Variants in ATF7IP observed in about 807,000 individuals in gnomAD.
The protein encoded by ATF7IP is activating transcription factor 7 interacting protein.
ATF7IP carries 23 observed loss-of-function variants against 106.4 expected under a neutral mutation model. The observed-to-expected ratio is 0.22, with a 90% CI of 0.16 to 0.31. ATF7IP has a LOEUF of 0.31. ATF7IP is among the 10% of genes least tolerant of loss of function. The pLI, the probability that ATF7IP is intolerant of heterozygous loss-of-function variation, is 1.00. For missense variants in ATF7IP, 1,334 were observed against 1,524.3 expected (o/e 0.88, Z 2.08); for synonymous variants, 542 against 539.0 (o/e 1.01, Z -0.08).
chr12:14,455,335 A>C (rs1943383039), intron 6 of ATF7IP, among the ~76,000 whole-genome samples: 2 of 152,108 alleles, frequency 1.3e-5, no homozygotes, highest in South Asian at 4.1e-4. Context: ...TGACAGCCAG[A>C]TTTTAAGCAC....
chr12:14,369,483 C>T (rs1038444119), intron 1 of ATF7IP, among the ~76,000 whole-genome samples: 19 of 152,020 alleles, frequency 1.2e-4, no homozygotes, highest in Non-Finnish European at 1.8e-4. Flanking sequence ...TCCCAAGTAG[C>T]GGATTACAGG....
intron 1 of ATF7IP, among the ~76,000 whole-genome samples, chr12:14,372,830 A>T (rs1938584751): frequency 6.6e-6 from 1 of 152,134 alleles, no homozygotes; most frequent in Non-Finnish European, 1.5e-5. Flanking sequence ...TTTGATACCT[A>T]GAAATTATGT....
intron 13 of ATF7IP, among the ~76,000 whole-genome samples, chr12:14,483,447 G>C (rs191715689): frequency 6.6e-6 from 1 of 152,164 alleles, no homozygotes; most frequent in South Asian, 2.1e-4. Context: ...GGTAAGAGGA[G>C]CCCAAAGTGT....
chr12:14,396,663 T>C (rs758602661), intron 1 of ATF7IP, among the ~76,000 whole-genome samples: 2 of 152,134 alleles, frequency 1.3e-5, no homozygotes, highest in Non-Finnish European at 2.9e-5. Context: ...TCTCTTGTGC[T>C]ATTATATTGG....
At chr12:14,393,196 G>A (rs926366959) in intron 1 of ATF7IP, among the ~76,000 whole-genome samples, 1 of 152,156 alleles carries the variant, frequency 6.6e-6, no homozygotes, top group Non-Finnish European at 1.5e-5. Context: ...ATGGTTGGAT[G>A]CATGATACAG....
intron 1 of ATF7IP, among the ~76,000 whole-genome samples, chr12:14,372,002 A>G (rs1938550815): frequency 6.6e-6 from 1 of 152,118 alleles, no homozygotes; most frequent in Admixed American, 6.5e-5. Context: ...ATTTAAACAG[A>G]TTACCTTAAT....
chr12:14,488,863 A>G (rs1045740579), intron 13 of ATF7IP, among the ~76,000 whole-genome samples: 2 of 152,268 alleles, frequency 1.3e-5, no homozygotes, highest in Non-Finnish European at 2.9e-5. Context: ...ATGTCACATG[A>G]TGAAGGAAAA....
chr12:14,419,616 C>T (rs1186639483), intron 1 of ATF7IP, among the ~76,000 whole-genome samples: 2 of 151,906 alleles, frequency 1.3e-5, no homozygotes, highest in African/African-American at 4.8e-5. Context: ...AAATACAATG[C>T]ATTGTATCTG....
At chr12:14,457,942 A>G (rs1943492329) in intron 8 of ATF7IP, among the ~76,000 whole-genome samples, 1 of 151,868 alleles carries the variant, frequency 6.6e-6, no homozygotes. Flanking sequence ...CAAAATACAA[A>G]AATTATCCAG....
intron 5 of ATF7IP, among the ~76,000 whole-genome samples, chr12:14,443,580 A>G (rs1170988681): frequency 6.6e-6 from 1 of 152,212 alleles, no homozygotes; most frequent in African/African-American, 2.4e-5. Flanking sequence ...AAATACCTTG[A>G]ATCTCTTAAA....
intron 1 of ATF7IP, among the ~76,000 whole-genome samples, chr12:14,377,183 C>T (rs577899297): frequency 6.6e-5 from 10 of 151,756 alleles, no homozygotes; most frequent in Admixed American, 5.3e-4. Flanking sequence ...TTAGTAGAGA[C>T]GGGGTTTCAC....
chr12:14,459,771 C>CTGTT (rs1412954816), intron 8 of ATF7IP, among the ~76,000 whole-genome samples: 1 of 152,162 alleles, frequency 6.6e-6, no homozygotes, highest in African/African-American at 2.4e-5. Flanking sequence ...TATTTTAAAC[C>CTGTT]TGTTGCAATG....
intron 2 of ATF7IP, among the ~76,000 whole-genome samples, chr12:14,432,144 A>G (rs1007480450): frequency 1.3e-5 from 2 of 152,138 alleles, no homozygotes; most frequent in African/African-American, 4.8e-5. Flanking sequence ...ATAGCAGGCC[A>G]GTTTATTCTG....
intron 4 of ATF7IP, 126 bp from the exon 5 acceptor site, chr12:14,438,004 G>A (rs1193207028): frequency 3.7e-6 from 3 of 812,812 alleles, no homozygotes; most frequent in Admixed American, 5.9e-5. Flanking sequence ...AGTGAGCCGA[G>A]ATCCTGCCAC....
In ATF7IP at chr12:14,497,694, C is replaced by A; in HGVS notation, c.3434C>A (p.Ala1145Asp). 1 of 1,614,190 alleles carries A rather than the reference C, an allele frequency of 6.2e-7. No homozygotes were observed. Among genetic ancestry groups the A allele is most frequent in the Non-Finnish European group, 8.5e-7 (1 of 1,180,028 alleles). ...RPVHPAPLPEAPQPQRLPPEA... is the reference protein window; with the variant it reads ...RPVHPAPLPEDPQPQRLPPEA... ...GTGCACCCAGCACCCTTACCAGAAGCTCCACAACCACAGCGTCTGCCCCCA... is the reference window on the plus strand; with the variant it reads ...GTGCACCCAGCACCCTTACCAGAAGATCCACAACCACAGCGTCTGCCCCCA... Residue 1145 changes from alanine to aspartate, a missense_variant, in exon 15 of 15, where the codon GCT becomes GAT. Around this residue, in one of 10 missense-constraint regions of ATF7IP, gnomAD observed 80 missense variants for 157.0 expected, o/e 0.51. Coordinates refer to ENST00000261168, the MANE Select transcript of ATF7IP (RefSeq NM_018179.5).
At chr12:14,496,656 C>T (rs1214967562) in intron 14 of ATF7IP, among the ~76,000 whole-genome samples, 1 of 152,080 alleles carries the variant, frequency 6.6e-6, no homozygotes, top group Non-Finnish European at 1.5e-5. Context: ...TTTCATTTCT[C>T]CATGTGTTAA....
At chr12:14,433,011 A>T (rs1355047608) in intron 2 of ATF7IP, among the ~76,000 whole-genome samples, 1 of 152,208 alleles carries the variant, frequency 6.6e-6, no homozygotes, top group African/African-American at 2.4e-5. Context: ...AATTGTATAG[A>T]CATTTTTAGC....
chr12:14,366,791 A>G (rs1023109217), intron 1 of ATF7IP, among the ~76,000 whole-genome samples: 8 of 152,186 alleles, frequency 5.3e-5, no homozygotes, highest in African/African-American at 1.9e-4. Flanking sequence ...TAGAAAGAAC[A>G]TCCATTACCC....
chr12:14,478,479 T>C lies in ATF7IP; in HGVS notation c.3097+7T>C. ...ATACACTTACTACCTACAGGTAAATTTGTTGAATCATTGAGTAGAAGCTTT... is the reference window on the plus strand; with the variant it reads ...ATACACTTACTACCTACAGGTAAATCTGTTGAATCATTGAGTAGAAGCTTT... On this transcript the variant is annotated splice_region_variant and intron_variant, in intron 12 of 14. Transcript: ENST00000261168. The C allele has an allele frequency of 6.2e-7, 1 of 1,613,718 alleles. No homozygotes were observed. Among genetic ancestry groups the C allele is most frequent in the South Asian group, 1.1e-5 (1 of 91,044 alleles).
Sources: allele counts gnomAD v4.1 joint callset (sites outside exome capture counted in the v4.1 genomes callset), GRCh38; gene constraint gnomAD v4.1.1; regional missense constraint gnomAD v4.1.1; transcripts MANE v1.5; gene names NCBI Gene and HGNC (gene_info 2026-07-23, HGNC 2026-07-21).